MAP3K21: variants seen among roughly 807,000 people sequenced by gnomAD.
MAP3K21 encodes the protein mitogen-activated protein kinase kinase kinase MLK4.
Under a neutral mutation model 86.1 loss-of-function variants are expected in MAP3K21, and 63 were observed. The observed-to-expected ratio is 0.73, with a 90% CI of 0.60 to 0.90. MAP3K21 has a LOEUF of 0.90. MAP3K21 is among the 40% of genes least tolerant of loss of function. MAP3K21 has a pLI of 0.00. For synonymous variants in MAP3K21, 558 were observed against 564.8 expected, an observed-to-expected ratio of 0.99 and a Z score of 0.17; for missense variants, 1,220 against 1,367.7, an observed-to-expected ratio of 0.89 and a Z score of 1.70.
intron 8 of MAP3K21, 114 bp from the exon 9 acceptor site, chr1:233,378,817 G>A (rs750723075): frequency 1.6e-4 from 121 of 772,688 alleles, no homozygotes; most frequent in Non-Finnish European, 2.4e-4. Context: ...AGGGCTGCAT[G>A]TGTTTTGATT....
intron 4 of MAP3K21, among the ~76,000 whole-genome samples, chr1:233,361,577 C>T (rs1170488529): frequency 1.3e-5 from 2 of 152,146 alleles, no homozygotes; most frequent in African/African-American, 4.8e-5. Flanking sequence ...GTCGTCTGAA[C>T]TGCAGTCTTG....
At chr1:233,329,671 C>G (rs1391536396) in intron 1 of MAP3K21, among the ~76,000 whole-genome samples, 1 of 151,880 alleles carries the variant, frequency 6.6e-6, no homozygotes, top group Non-Finnish European at 1.5e-5. Context: ...AAAAAAGTGT[C>G]TCTACGTGAA....
At chr1:233,331,204 G>A (rs1055626338) in intron 1 of MAP3K21, among the ~76,000 whole-genome samples, 9 of 152,080 alleles carry the variant, frequency 5.9e-5, no homozygotes, top group Admixed American at 2.0e-4. Context: ...CAAACTTCCC[G>A]GAGTATTTTA....
intron 5 of MAP3K21, among the ~76,000 whole-genome samples, chr1:233,363,087 T>C (rs1277838406): frequency 6.6e-6 from 1 of 152,186 alleles, no homozygotes; most frequent in African/African-American, 2.4e-5. Flanking sequence ...TTCTTTCTAG[T>C]ACCAGAGCAG....
chr1:233,379,185 A>T lies in MAP3K21; in HGVS notation c.2179A>T (p.Thr727Ser), dbSNP rs1663856723. ...AACGGAGTCAGCTCTGTATGGGTGC[A>T]CCGTCCTTCTGGCATCGGTGGCTCT... ...KKTESALYGC[T>S]VLLASVALGL... The change falls in exon 9 of 10, where the codon ACC (threonine) becomes TCC (serine). Residue 727 changes from threonine (T) to serine (S), a missense_variant. Thr to Ser is a moderately conservative substitution (Grantham distance 58). Around this residue, in one of 5 missense-constraint regions of MAP3K21, gnomAD observed 632 missense variants for 691.3 expected, o/e 0.91. Transcript: ENST00000366624. 1 of 1,614,212 alleles carries T rather than the reference A, an allele frequency of 6.2e-7. No homozygotes were observed.
intron 4 of MAP3K21, among the ~76,000 whole-genome samples, chr1:233,359,789 C>A (rs561312042): frequency 3.7e-4 from 56 of 152,346 alleles, no homozygotes; most frequent in Non-Finnish European, 4.4e-5. Context: ...GTAATCTCAT[C>A]AACCGAAAGA....
chr1:233,362,941 T>C (rs1467657180), intron 5 of MAP3K21, among the ~76,000 whole-genome samples: 7 of 152,180 alleles, frequency 4.6e-5, no homozygotes, highest in African/African-American at 1.7e-4. Context: ...TCAATACATA[T>C]AGATATTATT....
At position 233,379,724 on chromosome 1, in the gene MAP3K21, A is replaced by G. The variant is rs1663878845; in HGVS notation, c.2704+14A>G. 6.3e-7 allele frequency: 1 copy of G among 1,593,178 alleles called. No individual in the cohort carries two copies. The highest frequency in any genetic ancestry group is 8.6e-7 in the Non-Finnish European group (1 of 1,169,414). On this transcript the variant is annotated intron_variant, in intron 9 of 9. Transcript: ENST00000366624. Reference sequence around the variant, plus strand: ...ATCCGACCCCAAGTAGGTTGCATTAATTAGGTAAAAGCATAAAACACTGCT... The same window carrying G: ...ATCCGACCCCAAGTAGGTTGCATTAGTTAGGTAAAAGCATAAAACACTGCT...
chr1:233,329,242 A>C (rs1486029903), intron 1 of MAP3K21, among the ~76,000 whole-genome samples: 1 of 152,188 alleles, frequency 6.6e-6, no homozygotes, highest in Non-Finnish European at 1.5e-5. Context: ...CCTTCATCAA[A>C]GTCCCCGAAT....
At chr1:233,361,111 G>C (rs1262078873) in intron 4 of MAP3K21, among the ~76,000 whole-genome samples, 1 of 152,152 alleles carries the variant, frequency 6.6e-6, no homozygotes, top group African/African-American at 2.4e-5. Flanking sequence ...TATGTCTCTG[G>C]TAAAGAACAG....
intron 5 of MAP3K21, among the ~76,000 whole-genome samples, chr1:233,366,627 T>C (rs1572253042): frequency 6.6e-6 from 1 of 152,352 alleles, no homozygotes; most frequent in Middle Eastern, 3.4e-3. Flanking sequence ...GCAGGATTTT[T>C]CCCTATGCAT....
chr1:233,376,099 G>A (rs778706284), intron 7 of MAP3K21, 33 bp downstream of exon 7: 1 of 1,552,106 alleles, frequency 6.4e-7, no homozygotes, highest in African/African-American at 1.4e-5. Flanking sequence ...TATTCATTGT[G>A]TAATATGACA....
chr1:233,334,163 A>G (rs973507367), intron 1 of MAP3K21, among the ~76,000 whole-genome samples: 1 of 69,414 alleles, frequency 1.4e-5, no homozygotes, highest in Non-Finnish European at 2.7e-5. Flanking sequence ...CCGTGCCTGG[A>G]CTTTTTTTTT....
intron 1 of MAP3K21, among the ~76,000 whole-genome samples, chr1:233,339,280 T>TTCTTCC (rs1558450920): frequency 5.2e-4 from 26 of 50,418 alleles, no homozygotes; most frequent in Admixed American, 6.6e-4. Context: ...CTTCTTCTTC[T>TTCTTCC]TCTTCTTCTT....
intron 1 of MAP3K21, among the ~76,000 whole-genome samples, chr1:233,331,485 G>T (rs1662808390): frequency 1.3e-5 from 2 of 152,178 alleles, no homozygotes; most frequent in South Asian, 4.1e-4. Context: ...ATGAAGCTAT[G>T]ACTTCTTGTT....
At chr1:233,338,983 A>G (rs1302550253) in intron 1 of MAP3K21, among the ~76,000 whole-genome samples, 1 of 152,368 alleles carries the variant, frequency 6.6e-6, no homozygotes, top group East Asian at 1.9e-4. Context: ...AAAACTAGAC[A>G]GAGGTCCACG....
chr1:233,350,348 C>T (rs1228211409), intron 2 of MAP3K21, among the ~76,000 whole-genome samples: 3 of 152,094 alleles, frequency 2.0e-5, no homozygotes, highest in African/African-American at 7.2e-5. Flanking sequence ...ATCCCTGGCG[C>T]TGCTTAGTTG....
intron 2 of MAP3K21, 86 bp downstream of exon 2, chr1:233,346,708 C>T: frequency 8.5e-7 from 1 of 1,170,378 alleles, no homozygotes; most frequent in Non-Finnish European, 1.2e-6. Flanking sequence ...TAATTCTCAG[C>T]ATAAATAGTC....
chr1:233,336,823 A>T (rs771254273), intron 1 of MAP3K21, among the ~76,000 whole-genome samples: 27 of 152,218 alleles, frequency 1.8e-4, no homozygotes, highest in Non-Finnish European at 3.2e-4. Context: ...ATTCCTTCTT[A>T]TATGTTATCT....
Sources: allele counts gnomAD v4.1 joint callset (sites outside exome capture counted in the v4.1 genomes callset), GRCh38; gene constraint gnomAD v4.1.1; regional missense constraint gnomAD v4.1.1; transcripts MANE v1.5; gene names NCBI Gene and HGNC (gene_info 2026-07-23, HGNC 2026-07-21).